PDZRN3: variants seen among roughly 807,000 people sequenced by gnomAD.
PDZRN3 encodes PDZ domain containing ring finger 3, also known as E3 ubiquitin-protein ligase PDZRN3.
PDZRN3 carries 38 observed loss-of-function variants against 85.7 expected under a neutral mutation model. The observed-to-expected ratio is 0.44, with a 90% CI of 0.34 to 0.58. PDZRN3 has a LOEUF of 0.58. Among genes scored for constraint, PDZRN3 ranks in the 20% least tolerant of loss-of-function variants. The pLI, the probability that PDZRN3 is intolerant of heterozygous loss-of-function variation, is 0.01. For missense variants in PDZRN3, 1,629 were observed against 1,506.4 expected (o/e 1.08, Z -1.35); for synonymous variants, 759 against 638.0 (o/e 1.19, Z -2.86).
intron 3 of PDZRN3, among the ~76,000 whole-genome samples, chr3:73,460,389 A>G (rs1306785403): frequency 6.6e-6 from 1 of 152,200 alleles, no homozygotes; most frequent in Non-Finnish European, 1.5e-5. Flanking sequence ...TGATGGCTAA[A>G]AGTCAGTACA....
At chr3:73,437,955 G>T (rs1375076250) in intron 3 of PDZRN3, among the ~76,000 whole-genome samples, 1 of 152,150 alleles carries the variant, frequency 6.6e-6, no homozygotes, top group Non-Finnish European at 1.5e-5. Context: ...AACTGTTTTT[G>T]AGAGAACAGC....
chr3:73,416,018 A>G (rs975162813), intron 3 of PDZRN3, among the ~76,000 whole-genome samples: 2 of 147,246 alleles, frequency 1.4e-5, no homozygotes, highest in African/African-American at 5.0e-5. Flanking sequence ...TGATTTTGAG[A>G]TGATTTAAGA....
At chr3:73,495,498 T>C (rs1703849889) in intron 3 of PDZRN3, among the ~76,000 whole-genome samples, 1 of 152,236 alleles carries the variant, frequency 6.6e-6, no homozygotes, top group East Asian at 1.9e-4. Context: ...TTTTTTCCTC[T>C]GGACAGCATG....
At chr3:73,492,011 C>T (rs1046876831) in intron 3 of PDZRN3, among the ~76,000 whole-genome samples, 1 of 152,054 alleles carries the variant, frequency 6.6e-6, no homozygotes, top group African/African-American at 2.4e-5. Context: ...CTTCTTCACA[C>T]CCCACCCTCT....
At chr3:73,521,889 C>T (rs1385870193) in intron 3 of PDZRN3, among the ~76,000 whole-genome samples, 1 of 152,160 alleles carries the variant, frequency 6.6e-6, no homozygotes, top group African/African-American at 2.4e-5. Flanking sequence ...GCATGCACCT[C>T]TCCCTCTCTG....
In PDZRN3 at chr3:73,462,083, A is replaced by G. The variant is rs187167959; in HGVS notation, c.919-57688T>C. On this transcript the variant is annotated intron_variant, in intron 3 of 9. Transcript: ENST00000263666. Reference sequence around the variant, plus strand: ...TTTTTGCTTGAGTATAAACTGACATATGTGTTCTTTCAATTATATGAAAAG... The same window carrying G: ...TTTTTGCTTGAGTATAAACTGACATGTGTGTTCTTTCAATTATATGAAAAG... Among the ~76,000 whole-genome samples the G allele has an allele frequency of 2.5e-3, 381 of 152,326 alleles. 2 individuals are homozygous for G. The highest frequency in any genetic ancestry group is 8.2e-3 in the African/African-American group (342 of 41,578).
At chr3:73,404,813 C>T (rs1182749657) in intron 3 of PDZRN3, among the ~76,000 whole-genome samples, 2 of 152,208 alleles carry the variant, frequency 1.3e-5, no homozygotes, top group Admixed American at 6.5e-5. Flanking sequence ...CCAGTCTTCC[C>T]TTCATGGAAG....
intron 2 of PDZRN3, among the ~76,000 whole-genome samples, chr3:73,606,732 T>C (rs1273347251): frequency 6.6e-6 from 1 of 152,234 alleles, no homozygotes; most frequent in Non-Finnish European, 1.5e-5. Context: ...CTTTTTTATA[T>C]GTATGTTTGA....
intron 5 of PDZRN3, 120 bp from the exon 6 acceptor site, chr3:73,391,236 G>A: frequency 1.5e-6 from 1 of 661,134 alleles, no homozygotes; most frequent in Non-Finnish European, 2.7e-6. Flanking sequence ...ATTCAACTGT[G>A]TAGGGCCGGT....
At chr3:73,555,970 G>A (rs34726258) in intron 3 of PDZRN3, among the ~76,000 whole-genome samples, 1 of 152,252 alleles carries the variant, frequency 6.6e-6, no homozygotes, top group African/African-American at 2.4e-5. Context: ...GGGTGATTCA[G>A]AAAAGGCAAT....
At chr3:73,569,529 T>C in intron 3 of PDZRN3, 12 of 1,046,534 alleles carry the variant, frequency 1.1e-5, no homozygotes, top group Non-Finnish European at 1.4e-5. Flanking sequence ...TGCTCCTCAG[T>C]GAAGCTTTCT....
At chr3:73,397,850 A>T (rs183863215) in intron 5 of PDZRN3, among the ~76,000 whole-genome samples, 219 of 152,152 alleles carry the variant, frequency 1.4e-3, no homozygotes, top group Non-Finnish European at 1.5e-3. Flanking sequence ...GCTGCTATGG[A>T]CTCAGAGTAC....
chr3:73,399,959 C>T (rs1178016645), intron 5 of PDZRN3, among the ~76,000 whole-genome samples: 1 of 152,186 alleles, frequency 6.6e-6, no homozygotes, highest in Non-Finnish European at 1.5e-5. Context: ...AGGAACATAG[C>T]TGTTTTCTAC....
chr3:73,543,329 A>G (rs1701330006), intron 3 of PDZRN3, among the ~76,000 whole-genome samples: 1 of 152,176 alleles, frequency 6.6e-6, no homozygotes, highest in Admixed American at 6.5e-5. Flanking sequence ...CTGGCCCATC[A>G]CCTCCTCAGA....
rs1342613850 is a variant in PDZRN3 at position 73,384,727 on chromosome 3, CA to C, written c.1838del (p.Leu613TrpfsTer44). 1 of 1,614,072 alleles carries C rather than the reference CA, an allele frequency of 6.2e-7. No homozygotes were observed. On this transcript the variant is annotated frameshift_variant, in exon 10 of 10. Coordinates refer to ENST00000263666, the MANE Select transcript of PDZRN3 (RefSeq NM_015009.3). LOFTEE classifies it high-confidence loss of function. ...TGCTGAAGGGCAGGTCGCCGCTGCC[CA>C]AGGTGTCCTGGCTGCAGGTGAGCTT... ...QRKLTCSQDT[L>X]GSGDLPFSNE...
At chr3:73,422,234 G>A (rs982633586) in intron 3 of PDZRN3, among the ~76,000 whole-genome samples, 5 of 152,262 alleles carry the variant, frequency 3.3e-5, no homozygotes, top group Non-Finnish European at 5.9e-5. Context: ...GATGAGTGAG[G>A]GAGCCTGCCC....
chr3:73,446,589 C>A (rs774089190), intron 3 of PDZRN3, among the ~76,000 whole-genome samples: 6 of 152,140 alleles, frequency 3.9e-5, no homozygotes, highest in Non-Finnish European at 8.8e-5. Flanking sequence ...TTTAAATTTA[C>A]AGAATACTCA....
At chr3:73,544,938 G>C (rs1193453449) in intron 3 of PDZRN3, among the ~76,000 whole-genome samples, 1 of 151,992 alleles carries the variant, frequency 6.6e-6, no homozygotes, top group Non-Finnish European at 1.5e-5. Context: ...AACCTCCGTA[G>C]CTGTATTCCC....
At chr3:73,560,863 G>T (rs1236325601) in intron 3 of PDZRN3, among the ~76,000 whole-genome samples, 1 of 152,198 alleles carries the variant, frequency 6.6e-6, no homozygotes, top group East Asian at 1.9e-4. Context: ...GACTGACAAT[G>T]AGTCACGGCT....
Sources: allele counts gnomAD v4.1 joint callset (sites outside exome capture counted in the v4.1 genomes callset), GRCh38; gene constraint gnomAD v4.1.1; transcripts MANE v1.5; gene names NCBI Gene and HGNC (gene_info 2026-07-23, HGNC 2026-07-21).